Variants in NEDD4 observed in about 807,000 individuals in gnomAD.
The protein encoded by NEDD4 is E3 ubiquitin-protein ligase NEDD4.
A neutral mutation model predicts 144.9 loss-of-function variants in NEDD4; 99 were observed. That is an observed-to-expected ratio of 0.68 (90% CI 0.58 to 0.81). NEDD4 has a LOEUF of 0.81. Ranked by LOEUF, NEDD4 falls within the 30% of genes least tolerant of loss-of-function variation. The pLI is 0.00. For synonymous variants in NEDD4, 318 were observed against 350.6 expected, an observed-to-expected ratio of 0.91 and a Z score of 1.04; for missense variants, 985 against 1,065.9, an observed-to-expected ratio of 0.92 and a Z score of 1.06.
chr15:55,953,995 C>T (rs112284488), intron 2 of NEDD4, among the ~76,000 whole-genome samples: 2 of 152,136 alleles, frequency 1.3e-5, no homozygotes, highest in Non-Finnish European at 2.9e-5. Context: ...ATACTCTTAA[C>T]GACTATAGCA....
At chr15:55,917,094 T>C (rs960672939) in intron 5 of NEDD4, 4 of 1,199,476 alleles carry the variant, frequency 3.3e-6, no homozygotes, top group Non-Finnish European at 4.1e-6. Flanking sequence ...ACAAAGCACT[T>C]GATTTCCAGC....
intron 5 of NEDD4, among the ~76,000 whole-genome samples, chr15:55,883,106 C>G (rs1451597655): frequency 2.0e-5 from 3 of 152,160 alleles, no homozygotes; most frequent in African/African-American, 7.2e-5. Flanking sequence ...TGCCAAGGCT[C>G]AGTTCTTGGA....
intron 5 of NEDD4, among the ~76,000 whole-genome samples, chr15:55,891,581 T>C (rs540628661): frequency 1.3e-5 from 2 of 152,330 alleles, no homozygotes; most frequent in East Asian, 3.9e-4. Flanking sequence ...TTGCATTTGG[T>C]ATAATATAAG....
intron 21 of NEDD4, among the ~76,000 whole-genome samples, chr15:55,839,666 C>T (rs1296421500): frequency 4.0e-5 from 6 of 151,786 alleles, no homozygotes; most frequent in East Asian, 2.0e-4. Flanking sequence ...CTTTGCCTTT[C>T]GACTGCCATT....
At chr15:55,919,325 A>T (rs1430989023) in intron 5 of NEDD4, among the ~76,000 whole-genome samples, 1 of 152,178 alleles carries the variant, frequency 6.6e-6, no homozygotes, top group Admixed American at 6.6e-5. Flanking sequence ...TCCAGCCGCC[A>T]CTTTTAAAGA....
intron 18 of NEDD4, among the ~76,000 whole-genome samples, chr15:55,844,259 G>C (rs940868545): frequency 2.0e-5 from 3 of 152,152 alleles, no homozygotes; most frequent in Admixed American, 6.6e-5. Flanking sequence ...CCAGAGGGTG[G>C]ACAGTGTGAA....
rs1157411288 is a variant in NEDD4 at position 55,839,973 on chromosome 15, C to CAAAAA, written c.2031+469_2031+473dup. On this transcript the variant is annotated intron_variant, in intron 21 of 28. Coordinates refer to ENST00000435532, the MANE Select transcript of NEDD4 (RefSeq NM_006154.4). ...TTGGCAACAGAGTGACACTCTGTCT[C>CAAAAA]AAAAAAAAAAAAAAAAAAAAAAAAA... 1.7e-3 allele frequency among the ~76,000 whole-genome samples: 20 copies of CAAAAA among 12,104 alleles called. 2 individuals are homozygous for CAAAAA. The highest frequency in any genetic ancestry group is 7.5e-3 in the South Asian group (1 of 134). The allele number at this position is 12,104 out of a possible 152,430, so 7.9% of individuals were successfully genotyped here. A position where few individuals can be genotyped will look rare whatever the true frequency, so the allele number is the denominator to read the frequency against.
chr15:55,971,007 C>T (rs1437324191), intron 1 of NEDD4, among the ~76,000 whole-genome samples: 1 of 152,092 alleles, frequency 6.6e-6, no homozygotes, highest in Non-Finnish European at 1.5e-5. Context: ...ATCAAAATAG[C>T]TGTTTTGAGG....
At chr15:55,978,146 G>A (rs1197462770) in intron 1 of NEDD4, among the ~76,000 whole-genome samples, 5 of 152,114 alleles carry the variant, frequency 3.3e-5, no homozygotes, top group African/African-American at 4.8e-5. Flanking sequence ...AGCCTCGACT[G>A]AAACACTCCC....
chr15:55,929,383 T>C (rs2036736897), intron 4 of NEDD4, among the ~76,000 whole-genome samples: 1 of 152,218 alleles, frequency 6.6e-6, no homozygotes, highest in South Asian at 2.1e-4. Flanking sequence ...AAGTTGGTTC[T>C]ATAGATAAAC....
chr15:55,991,892 T>C (rs1391320856), intron 1 of NEDD4: 2 of 152,244 alleles, frequency 1.3e-5, no homozygotes, highest in Admixed American at 6.5e-5. Context: ...ACTGATCATG[T>C]ACCAAGAGGG....
chr15:55,916,387 C>T (rs763277370), intron 5 of NEDD4: 2 of 1,614,012 alleles, frequency 1.2e-6, no homozygotes, highest in Non-Finnish European at 1.7e-6. Context: ...CTAAGGCTAC[C>T]ACTACAAATG....
chr15:55,836,682 C>T lies in NEDD4; in HGVS notation c.2262+1107G>A, dbSNP rs141211068. Among the ~76,000 whole-genome samples, 568 of 152,158 alleles carry T rather than the reference C, an allele frequency of 3.7e-3. 5 individuals carry two copies. The highest frequency in any genetic ancestry group is 0.013 in the African/African-American group (544 of 41,510). On this transcript the variant is annotated intron_variant, in intron 24 of 28. Coordinates refer to ENST00000435532, the MANE Select transcript of NEDD4 (RefSeq NM_006154.4). ...CTGGGACTGCACGTGCACGCCACCACGTCCGGCTAATTTTTTTGTATTTTT... is the reference window on the plus strand; with the variant it reads ...CTGGGACTGCACGTGCACGCCACCATGTCCGGCTAATTTTTTTGTATTTTT...
At chr15:55,962,771 C>T (rs1425115119) in intron 2 of NEDD4, among the ~76,000 whole-genome samples, 1 of 151,698 alleles carries the variant, frequency 6.6e-6, no homozygotes, top group Non-Finnish European at 1.5e-5. Flanking sequence ...TCATTTGTTC[C>T]TCCTTTTCCG....
intron 5 of NEDD4, among the ~76,000 whole-genome samples, chr15:55,912,559 C>G (rs2036309648): frequency 6.6e-6 from 1 of 152,026 alleles, no homozygotes; most frequent in Non-Finnish European, 1.5e-5. Context: ...TAATAGGGTA[C>G]TGAAATCTCT....
intron 7 of NEDD4, among the ~76,000 whole-genome samples, chr15:55,869,892 T>TA (rs2034720742): frequency 1.3e-5 from 2 of 151,428 alleles, no homozygotes; most frequent in Non-Finnish European, 1.5e-5. Context: ...AATAAATAAA[T>TA]AATTGTTATG....
At chr15:55,923,137 C>T (rs1408595944) in intron 5 of NEDD4, among the ~76,000 whole-genome samples, 2 of 151,852 alleles carry the variant, frequency 1.3e-5, no homozygotes, top group African/African-American at 4.8e-5. Flanking sequence ...TGAGCTGAGA[C>T]TGCGCCACTG....
At chr15:55,916,022 A>G (rs201996136) in intron 5 of NEDD4, 3 of 1,613,774 alleles carry the variant, frequency 1.9e-6, no homozygotes, top group East Asian at 4.5e-5. Flanking sequence ...AAGGACTCCT[A>G]GGAAAAATGA....
chr15:55,856,083 T>C (rs1566912957), intron 12 of NEDD4, 48 bp downstream of exon 12: 1 of 1,503,296 alleles, frequency 6.7e-7, no homozygotes, highest in Non-Finnish European at 9.3e-7. Flanking sequence ...TAAAAAGAGA[T>C]GCTGAGTTTT....
Sources: gnomAD v4.1 joint callset for allele counts (sites outside exome capture counted in the v4.1 genomes callset) on GRCh38, gnomAD v4.1.1 for gene constraint, MANE v1.5 for transcripts, NCBI Gene and HGNC (gene_info 2026-07-23, HGNC 2026-07-21) for gene names.